The following TNFAIP8L3 variants were observed in gnomAD, a reference collection of about 807,000 sequenced individuals.
TNFAIP8L3 encodes the protein tumor necrosis factor alpha-induced protein 8-like protein 3.
In TNFAIP8L3, 7 loss-of-function variants were observed where a neutral mutation model predicts 11.8. That is an observed-to-expected ratio of 0.59 (90% confidence interval 0.34 to 1.11). The LOEUF (loss-of-function observed/expected upper bound fraction) is 1.11, where lower values mean the gene tolerates loss of function less well. Ranked by LOEUF, TNFAIP8L3 falls within the 50% of genes most tolerant of loss-of-function variation. The pLI is 0.03. For missense variants in TNFAIP8L3, 219 were observed against 258.6 expected, an observed-to-expected ratio of 0.85 and a Z score of 1.05; for synonymous variants, 98 against 103.8, an observed-to-expected ratio of 0.94 and a Z score of 0.34.
chr15:51,088,051 A>G (rs953510422), intron 1 of TNFAIP8L3, among the ~76,000 whole-genome samples: 3 of 150,918 alleles, frequency 2.0e-5, no homozygotes, highest in Non-Finnish European at 4.4e-5. Flanking sequence ...CTATATTTGT[A>G]TAGAATACAG....
intron 1 of TNFAIP8L3, among the ~76,000 whole-genome samples, chr15:51,086,535 C>T (rs1376700693): frequency 6.6e-6 from 1 of 152,174 alleles, no homozygotes; most frequent in African/African-American, 2.4e-5. Flanking sequence ...TGGTGGCATC[C>T]GTGAATCTAA....
intron 1 of TNFAIP8L3, among the ~76,000 whole-genome samples, chr15:51,065,214 A>G (rs985051069): frequency 2.0e-5 from 3 of 152,242 alleles, no homozygotes; most frequent in Non-Finnish European, 2.9e-5. Flanking sequence ...GTCTCTGAGA[A>G]TAAGGACCCT....
intron 1 of TNFAIP8L3, among the ~76,000 whole-genome samples, chr15:51,087,206 C>T (rs554541246): frequency 2.6e-5 from 4 of 152,314 alleles, no homozygotes; most frequent in Admixed American, 2.6e-4. Context: ...ATCCTGTAAC[C>T]CCCAATCCCA....
chr15:51,069,663 C>T (rs763058550), intron 1 of TNFAIP8L3: 6 of 152,180 alleles, frequency 3.9e-5, no homozygotes, highest in Admixed American at 2.0e-4. Flanking sequence ...GTACAGATTA[C>T]GCACATGAGG....
chr15:51,093,166 T>C (rs1205282887), intron 1 of TNFAIP8L3, among the ~76,000 whole-genome samples: 1 of 152,224 alleles, frequency 6.6e-6, no homozygotes, highest in Non-Finnish European at 1.5e-5. Context: ...TTATGAATTA[T>C]ATCATACCTA....
chr15:51,070,521 A>C (rs2065300918), intron 1 of TNFAIP8L3, among the ~76,000 whole-genome samples: 1 of 152,226 alleles, frequency 6.6e-6, no homozygotes, highest in South Asian at 2.1e-4. Context: ...GCAGCATTTC[A>C]CATCAAGGAA....
At chr15:51,076,435 ACTTT>A (rs1304689736) in intron 1 of TNFAIP8L3, among the ~76,000 whole-genome samples, 1 of 152,198 alleles carries the variant, frequency 6.6e-6, no homozygotes, top group Non-Finnish European at 1.5e-5. Flanking sequence ...CAGAAATGTG[ACTTT>A]CTCTCAGGCT....
chr15:51,096,009 G>A (rs1438367682), upstream of TNFAIP8L3, among the ~76,000 whole-genome samples: 3 of 152,294 alleles, frequency 2.0e-5, no homozygotes, highest in East Asian at 3.9e-4. Flanking sequence ...AGTAGAATAT[G>A]GTTGAAAGTT....
Position 51,057,969 on chromosome 15 carries a change from G to C in TNFAIP8L3, c.527C>G (p.Thr176Ser), listed in dbSNP as rs374933007. 228 of 1,614,028 alleles carry C rather than the reference G, an allele frequency of 1.4e-4. 3 individuals carry two copies. In the Middle Eastern group the frequency reaches 1.5e-3, roughly 10 times the overall value. Residue 176 changes from threonine (T) to serine (S), a missense_variant, in exon 2 of 2, where the codon ACC becomes AGC. By Grantham distance (58) the Thr-to-Ser change is moderately conservative. Transcript: ENST00000637513. ...ACAGTCTCCATCCAGACTATAGAGGGTGGAGAGGAACTCCACATCGGCAAA... is the reference window on the plus strand; with the variant it reads ...ACAGTCTCCATCCAGACTATAGAGGCTGGAGAGGAACTCCACATCGGCAAA... ...NHFADVEFLSTLYSLDGDCRP... is the reference protein window; with the variant it reads ...NHFADVEFLSSLYSLDGDCRP...
At chr15:51,073,885 C>A (rs1353807541) in intron 1 of TNFAIP8L3, among the ~76,000 whole-genome samples, 1 of 152,086 alleles carries the variant, frequency 6.6e-6, no homozygotes, top group Non-Finnish European at 1.5e-5. Flanking sequence ...AGAAATGTAT[C>A]CAATTTTAGC....
exon 1 of TNFAIP8L3, chr15:51,105,040 G>C: frequency 1.2e-6 from 2 of 1,614,144 alleles, no homozygotes; most frequent in Non-Finnish European, 1.7e-6. Context: ...AAAAGATAAG[G>C]GGATGAGTCT....
chr15:51,085,618 ATTC>A (rs1294454039), intron 1 of TNFAIP8L3, among the ~76,000 whole-genome samples: 2 of 143,640 alleles, frequency 1.4e-5, no homozygotes, highest in African/African-American at 5.0e-5. Context: ...AATAGCTCCG[ATTC>A]TTTTTTTTTT....
intron 1 of TNFAIP8L3, among the ~76,000 whole-genome samples, chr15:51,061,086 A>G (rs1158905981): frequency 6.6e-6 from 1 of 152,250 alleles, no homozygotes; most frequent in Admixed American, 6.5e-5. Context: ...CAGTGAGCTG[A>G]GATCGTGCCA....
chr15:51,101,481 C>T (rs566143170), intron 1 of TNFAIP8L3, among the ~76,000 whole-genome samples: 25 of 152,096 alleles, frequency 1.6e-4, no homozygotes, highest in Admixed American at 2.6e-4. Flanking sequence ...ATTAGCCCAG[C>T]GTGGTGGTGC....
upstream of TNFAIP8L3, among the ~76,000 whole-genome samples, chr15:51,098,470 T>C (rs930829414): frequency 6.6e-6 from 1 of 152,184 alleles, no homozygotes; most frequent in African/African-American, 2.4e-5. Flanking sequence ...TGAGGGGGCC[T>C]CCATGGGACT....
Position 51,057,994 on chromosome 15 carries a change from A to C in TNFAIP8L3, c.502T>G (p.Phe168Val), listed in dbSNP as rs761014160. 5 of 1,614,066 alleles carry C rather than the reference A, an allele frequency of 3.1e-6. No individual in the cohort carries two copies. The highest frequency in any genetic ancestry group is 2.5e-6 in the Non-Finnish European group (3 of 1,180,044). Reference protein sequence around the residue: ...HGRINHVFNHFADVEFLSTLY... With the variant: ...HGRINHVFNHVADVEFLSTLY... ...GTGGAGAGGAACTCCACATCGGCAAAGTGGTTAAAGACGTGGTTGATGCGC... is the reference window on the plus strand; with the variant it reads ...GTGGAGAGGAACTCCACATCGGCAACGTGGTTAAAGACGTGGTTGATGCGC... Residue 168 changes from phenylalanine to valine, a missense_variant, in exon 2 of 2, where the codon TTT becomes GTT. Transcript: ENST00000637513.
chr15:51,072,296 A>T (rs2065314573), intron 1 of TNFAIP8L3, among the ~76,000 whole-genome samples: 1 of 152,092 alleles, frequency 6.6e-6, no homozygotes, highest in Non-Finnish European at 1.5e-5. Context: ...ATGCACCACC[A>T]TGCCCGGCTA....
chr15:51,090,766 T>C (rs1399069125), intron 1 of TNFAIP8L3, among the ~76,000 whole-genome samples: 1 of 152,064 alleles, frequency 6.6e-6, no homozygotes, highest in Admixed American at 6.5e-5. Flanking sequence ...TCTCTTGTGG[T>C]TCCCCTACCA....
intron 1 of TNFAIP8L3, among the ~76,000 whole-genome samples, chr15:51,100,473 T>C (rs1362976932): frequency 6.6e-6 from 1 of 152,120 alleles, no homozygotes; most frequent in Non-Finnish European, 1.5e-5. Flanking sequence ...TAGATTACCA[T>C]ACTAACACAG....
Sources: gnomAD v4.1 joint callset for allele counts (sites outside exome capture counted in the v4.1 genomes callset) on GRCh38, gnomAD v4.1.1 for gene constraint, MANE v1.5 for transcripts, NCBI Gene and HGNC (gene_info 2026-07-23, HGNC 2026-07-21) for gene names.